The following SON variants were observed in gnomAD, a reference collection of about 807,000 sequenced individuals.
SON encodes the protein protein SON.
SON carries 4 observed loss-of-function variants against 173.3 expected under a neutral mutation model. The ratio of observed to expected loss-of-function variants is 0.02; its 90% CI spans 0.01 to 0.05. The LOEUF (loss-of-function observed/expected upper bound fraction) is 0.05. Among genes scored for constraint, SON ranks in the 10% least tolerant of loss-of-function variants. The pLI is 1.00. For missense variants in SON, 2,626 were observed against 3,055.3 expected (o/e 0.86, Z 3.31); for synonymous variants, 1,190 against 1,105.9 (o/e 1.08, Z -1.51).
Position 33,559,963 on chromosome 21 carries a change from T to C in SON, c.6657+188T>C. The C allele has an allele frequency of 3.7e-6, 6 of 1,614,150 alleles. No individual in the cohort carries two copies. The highest frequency in any genetic ancestry group is 5.1e-6 in the Non-Finnish European group (6 of 1,179,986). On this transcript the variant is annotated intron_variant, in intron 6 of 11. Transcript: ENST00000356577. The surrounding 1 kb of genome is among the most constrained non-coding windows in gnomAD (Gnocchi z 4.1). ...TGACAGTAACTCGATGCAATTCACT[T>C]TGTGGAACCAAGCCACAAAGTGAAA...
intron 1 of SON, 56 bp from the exon 2 acceptor site, chr21:33,546,157 T>G: frequency 6.9e-7 from 1 of 1,452,134 alleles, no homozygotes. Context: ...TAATTGGATT[T>G]TTTTATTAAT....
At chr21:33,571,791 A>T (rs926904087) in intron 8 of SON, 2 of 152,658 alleles carry the variant, frequency 1.3e-5, no homozygotes. Flanking sequence ...ACCTGGAAGT[A>T]AGTAAAAGAC....
At position 33,551,056 on chromosome 21, in the gene SON, T is replaced by C; in HGVS notation, c.1825T>C (p.Ser609Pro). The change falls in exon 3 of 12, where the codon TCG becomes CCG. Residue 609 changes from serine to proline, a missense_variant. Coordinates refer to ENST00000356577, the MANE Select transcript of SON (RefSeq NM_138927.4). ...PLMAAGALEF[S>P]GQSGAAGALE... Reference sequence around the variant, plus strand: ...CATGGCAGCTGGGGCACTGGAGTTCTCGGGGCAGTCTGGGGCAGCTGGAGC... The same window carrying C: ...CATGGCAGCTGGGGCACTGGAGTTCCCGGGGCAGTCTGGGGCAGCTGGAGC... The C allele has an allele frequency of 6.2e-7, 1 of 1,611,382 alleles. No individual in the cohort carries two copies. The highest frequency in any genetic ancestry group is 8.5e-7 in the Non-Finnish European group (1 of 1,179,068).
At chr21:33,557,712 AAT>A in intron 4 of SON, 1 of 1,433,086 alleles carries the variant, frequency 7.0e-7, no homozygotes, top group Non-Finnish European at 9.1e-7. Context: ...AATCTTCAGA[AAT>A]GATCTTTTGC....
chr21:33,569,108 T>A, intron 8 of SON, 21 bp downstream of exon 8: 2 of 1,384,602 alleles, frequency 1.4e-6, no homozygotes, highest in Non-Finnish European at 1.0e-6. Context: ...TATGCACATA[T>A]GAAAGTGTCG....
chr21:33,549,822 A>G lies in SON; in HGVS notation c.591A>G (p.Ser197=). The change falls in exon 3 of 12, where the codon TCA becomes TCG. Residue 197 remains serine, a synonymous_variant. Coordinates refer to ENST00000356577, the MANE Select transcript of SON (RefSeq NM_138927.4). ...LEPPVVSMEV[S]EPHILETLKP... is the part of the protein sequence containing the mutation. ...CTCCTGTAGTATCAATGGAGGTATC[A>G]GAGCCACACATCTTAGAAACTCTGA... The G allele has an allele frequency of 6.2e-7, 1 of 1,614,278 alleles. No individual in the cohort carries two copies. Among genetic ancestry groups the G allele is most frequent in the Non-Finnish European group, 8.5e-7 (1 of 1,180,050 alleles).
At chr21:33,544,622 G>A (rs2085568929) in intron 1 of SON, among the ~76,000 whole-genome samples, 1 of 152,102 alleles carries the variant, frequency 6.6e-6, no homozygotes, top group Admixed American at 6.5e-5. Context: ...GTTGTGAACA[G>A]GTTTATCCCT....
At chr21:33,573,157 A>C in intron 8 of SON, 151 bp from the exon 9 acceptor site, 1 of 602,092 alleles carries the variant, frequency 1.7e-6, no homozygotes, top group South Asian at 2.4e-5. Flanking sequence ...TACACACTAC[A>C]GTATGTATAA....
intron 6 of SON, among the ~76,000 whole-genome samples, chr21:33,566,220 A>G (rs1008784560): frequency 6.6e-6 from 1 of 152,158 alleles, no homozygotes; most frequent in Admixed American, 6.5e-5. Context: ...TTCTTGTGTG[A>G]GATAACTAGG....
At chr21:33,545,829 A>G (rs1395324332) in intron 1 of SON, among the ~76,000 whole-genome samples, 2 of 152,222 alleles carry the variant, frequency 1.3e-5, no homozygotes, top group Non-Finnish European at 2.9e-5. Context: ...TAATGTAGCC[A>G]TGGTTTCTAC....
intron 7 of SON, 73 bp downstream of exon 7, chr21:33,567,340 T>C: frequency 1.2e-6 from 1 of 834,470 alleles, no homozygotes; most frequent in Non-Finnish European, 2.1e-6. Context: ...AGTTTTAATG[T>C]CTAAATAAGA....
intron 6 of SON, among the ~76,000 whole-genome samples, chr21:33,566,310 C>CA (rs1211544148): frequency 2.0e-5 from 3 of 151,204 alleles, no homozygotes; most frequent in Non-Finnish European, 3.0e-5. Flanking sequence ...AATTTTAGAA[C>CA]AAAAAAAATA....
Position 33,550,286 on chromosome 21 carries a change from A to T in SON, c.1055A>T (p.Asp352Val), listed in dbSNP as rs2085734496. The T allele has an allele frequency of 1.2e-6, 2 of 1,614,034 alleles. No homozygotes were observed. Among genetic ancestry groups the T allele is most frequent in the East Asian group, 4.5e-5 (2 of 44,850 alleles). ...GTAGACGTACCATCGGAGATTGCAGATTCATCCATGACAAGACCGCAGGAG... is the reference window on the plus strand; with the variant it reads ...GTAGACGTACCATCGGAGATTGCAGTTTCATCCATGACAAGACCGCAGGAG... ...QPVDVPSEIADSSMTRPQELP... is the reference protein window; with the variant it reads ...QPVDVPSEIAVSSMTRPQELP... The change falls in exon 3 of 12, where the codon GAT becomes GTT. Residue 352 changes from aspartate to valine, a missense_variant. Asp to Val is a radical substitution (Grantham distance 152, BLOSUM62 -3). Transcript: ENST00000356577.
At position 33,552,475 on chromosome 21, in the gene SON, T is replaced by A. The variant is rs2145827675; in HGVS notation, c.3244T>A (p.Ser1082Thr). 6.2e-7 allele frequency: 1 copy of A among 1,614,018 alleles called. No individual in the cohort carries two copies. The highest frequency in any genetic ancestry group is 8.5e-7 in the Non-Finnish European group (1 of 1,179,968). Reference sequence around the variant, plus strand: ...CATGATGTCCCCAATGGCTGATCGATCTATGATGTCCATGGGTGCTGACCG... The same window carrying A: ...CATGATGTCCCCAATGGCTGATCGAACTATGATGTCCATGGGTGCTGACCG... ...RSMMSPMADRSMMSMGADRSM... is the reference protein window; with the variant it reads ...RSMMSPMADRTMMSMGADRSM... The change falls in exon 3 of 12, where the codon TCT becomes ACT. Residue 1082 changes from serine (S) to threonine (T), a missense_variant. Ser to Thr is a moderately conservative substitution (Grantham distance 58, BLOSUM62 1). Around this residue, in one of 13 missense-constraint regions of SON, gnomAD observed 366 missense variants for 448.6 expected, o/e 0.82. Coordinates refer to ENST00000356577, the MANE Select transcript of SON (RefSeq NM_138927.4). The surrounding 1 kb of genome is among the most constrained non-coding windows in gnomAD (Gnocchi z 5.6).
At chr21:33,566,934 G>A (rs1262808521) in intron 6 of SON, among the ~76,000 whole-genome samples, 2 of 151,932 alleles carry the variant, frequency 1.3e-5, no homozygotes, top group Non-Finnish European at 2.9e-5. Context: ...TCAGATTTTG[G>A]GTTCAGTTCT....
At position 33,559,136 on chromosome 21, in the gene SON, T is replaced by G. The variant is rs1291579163; in HGVS notation, c.6322-94T>G. On this transcript the variant is annotated intron_variant, in intron 4 of 11. Coordinates refer to ENST00000356577, the MANE Select transcript of SON (RefSeq NM_138927.4). This position sits in a 1 kb window ranked among gnomAD's most constrained non-coding sequence, Gnocchi z 4.1. ...AACCTATCATGAATCTTGTTTAACT[T>G]TGGAAAGTTGCTATTATGTGGTTTT... The G allele has an allele frequency of 4.0e-6, 4 of 1,011,840 alleles. No homozygotes were observed. Among genetic ancestry groups the G allele is most frequent in the Non-Finnish European group, 5.7e-6 (4 of 703,248 alleles). 62.7% of individuals were successfully genotyped at this position (1,011,840 alleles called of 1,614,324 possible). A position where few individuals can be genotyped will look rare whatever the true frequency, so the allele number is the denominator to read the frequency against.
rs760509240 is a variant in SON at position 33,554,504 on chromosome 21, C to T, written c.5273C>T (p.Ala1758Val). 16 of 1,614,004 alleles carry T rather than the reference C, an allele frequency of 9.9e-6. No homozygotes were observed. The highest frequency in any genetic ancestry group is 8.9e-5 in the East Asian group (4 of 44,898). ...GCTGGCATTGAAGGACCTTTACTTG[C>T]AAGTGATGTTGGACGTGACAGATCT... The part of the protein sequence containing the change: ...LRAGIEGPLL[A>V]SDVGRDRSAA... Residue 1758 changes from alanine to valine, a missense_variant, in exon 3 of 12, where the codon GCA becomes GTA. Ala to Val is a moderately conservative substitution (Grantham distance 64). Transcript: ENST00000356577.
intron 3 of SON, among the ~76,000 whole-genome samples, chr21:33,556,139 A>G (rs1463096572): frequency 1.3e-5 from 2 of 152,206 alleles, no homozygotes; most frequent in Non-Finnish European, 2.9e-5. Flanking sequence ...CTAAAGAAGA[A>G]GAGGTTAAGA....
chr21:33,551,817 T>C lies in SON; in HGVS notation c.2586T>C (p.Asp862=). 6.2e-7 allele frequency: 1 copy of C among 1,613,500 alleles called. No individual in the cohort carries two copies. The highest frequency in any genetic ancestry group is 8.5e-7 in the Non-Finnish European group (1 of 1,179,946). The change falls in exon 3 of 12, where the codon GAT becomes GAC. Residue 862 remains aspartate (D), a synonymous_variant. Transcript: ENST00000356577. ...DSQMLATSSM[D]SQMLASGTMD... Reference sequence around the variant, plus strand: ...AGATGTTAGCAACTAGCTCAATGGATTCCCAGATGTTAGCATCTGGCACTA... The same window carrying C: ...AGATGTTAGCAACTAGCTCAATGGACTCCCAGATGTTAGCATCTGGCACTA...
Sources: gnomAD v4.1 joint callset for allele counts (sites outside exome capture counted in the v4.1 genomes callset) on GRCh38, gnomAD v4.1.1 for gene constraint, gnomAD v4.1.1 regional missense constraint, Gnocchi (gnomAD v3.1) non-coding constraint, MANE v1.5 for transcripts, NCBI Gene and HGNC (gene_info 2026-07-23, HGNC 2026-07-21) for gene names.